Variants in RBFOX1 observed in about 807,000 individuals in gnomAD.
RBFOX1 encodes RNA binding fox-1 homolog 1.
Under a neutral mutation model 57.7 loss-of-function variants are expected in RBFOX1, and 8 were observed. The ratio of observed to expected loss-of-function variants is 0.14; its 90% confidence interval spans 0.08 to 0.25. The LOEUF is 0.25. Among genes scored for constraint, RBFOX1 ranks in the 10% least tolerant of loss-of-function variants. RBFOX1 has a pLI of 1.00. For missense variants in RBFOX1, 611 were observed against 548.5 expected (o/e 1.11, Z -1.14); for synonymous variants, 326 against 222.4 (o/e 1.47, Z -4.15).
At chr16:6,227,862 A>T (rs2152896050) in intron 1 of RBFOX1, among the ~76,000 whole-genome samples, 1 of 152,364 alleles carries the variant, frequency 6.6e-6, no homozygotes, top group East Asian at 1.9e-4. Context: ...TAACAAAAGG[A>T]GAGGTAAACA....
In RBFOX1 at chr16:5,902,875, A is replaced by G. The variant is rs575690650; in HGVS notation, c.351+35540A>G. On this transcript the variant is annotated intron_variant, in intron 4 of 19. Coordinates refer to the RBFOX1 transcript ENST00000641259. ...AAGAGACCCCCAGGATCTGCTGCTCACCTCCAAGCTCTGCCCACATGGACA... is the reference window on the plus strand; with the variant it reads ...AAGAGACCCCCAGGATCTGCTGCTCGCCTCCAAGCTCTGCCCACATGGACA... Among the ~76,000 whole-genome samples, 538 of 152,162 alleles carry G rather than the reference A, an allele frequency of 3.5e-3. 3 individuals carry two copies. The highest frequency in any genetic ancestry group is 0.014 in the Middle Eastern group (4 of 294).
chr16:5,775,315 C>G (rs964467339), intron 3 of RBFOX1, among the ~76,000 whole-genome samples: 13 of 152,282 alleles, frequency 8.5e-5, no homozygotes, highest in South Asian at 2.1e-4. Context: ...TCCCTCTTCC[C>G]TCTTCCCTTC....
At chr16:7,588,175 ATC>A (rs1161628694) in intron 7 of RBFOX1, among the ~76,000 whole-genome samples, 2 of 152,196 alleles carry the variant, frequency 1.3e-5, no homozygotes, top group African/African-American at 4.8e-5. Flanking sequence ...GCAAGATCCT[ATC>A]TCAAAAATAA....
rs529338810 is a variant in RBFOX1, at chr16:6,631,993, A to G, written c.-63-22610A>G. ...TTTATTCTCAATGGAAGGAGAGGCC[A>G]TTAGGGTTTCAAATAGAGAAATCAC... is the stretch of plus-strand genomic sequence containing the variant. On this transcript the variant is annotated intron_variant, in intron 2 of 15. Transcript: ENST00000550418. Among the ~76,000 whole-genome samples the G allele has an allele frequency of 6.6e-5, 10 of 152,314 alleles. 1 individual carries two copies. The South Asian group carries it at 2.1e-3, about 32-fold the overall frequency.
At chr16:6,367,536 C>A (rs1002760590) in intron 2 of RBFOX1, among the ~76,000 whole-genome samples, 18 of 152,120 alleles carry the variant, frequency 1.2e-4, no homozygotes, top group Non-Finnish European at 2.5e-4. Context: ...TCCCAAAGTG[C>A]TGGGATTACA....
chr16:6,719,491 G>T (rs1483732480), intron 3 of RBFOX1, among the ~76,000 whole-genome samples: 1 of 151,252 alleles, frequency 6.6e-6, no homozygotes, highest in African/African-American at 2.4e-5. Context: ...CCCAGGATGG[G>T]GTGCAGTGGC....
intron 3 of RBFOX1, among the ~76,000 whole-genome samples, chr16:6,733,986 G>C (rs1047190189): frequency 1.3e-5 from 2 of 152,156 alleles, no homozygotes; most frequent in Admixed American, 6.5e-5. Flanking sequence ...AAGTTTATAG[G>C]ACACAGTGTT....
intron 2 of RBFOX1, among the ~76,000 whole-genome samples, chr16:6,344,696 T>TG (rs1290211738): frequency 7.6e-6 from 1 of 132,234 alleles, no homozygotes; most frequent in Non-Finnish European, 1.6e-5. Context: ...CGAGCCCGGT[T>TG]TTTTTTTTTT....
intron 4 of RBFOX1, among the ~76,000 whole-genome samples, chr16:7,490,951 G>C (rs1421603332): frequency 6.6e-6 from 1 of 152,020 alleles, no homozygotes; most frequent in Non-Finnish European, 1.5e-5. Context: ...TTCTTTAGGT[G>C]GCCTAAAATC....
intron 4 of RBFOX1, among the ~76,000 whole-genome samples, chr16:5,874,434 C>T (rs1359760115): frequency 6.6e-6 from 1 of 152,066 alleles, no homozygotes; most frequent in Non-Finnish European, 1.5e-5. Context: ...GTTCTTGAGG[C>T]TGTTGTGTTT....
intron 4 of RBFOX1, among the ~76,000 whole-genome samples, chr16:5,980,895 C>T (rs535499473): frequency 1.3e-5 from 2 of 152,244 alleles, no homozygotes; most frequent in Admixed American, 6.5e-5. Context: ...TTACACTGGG[C>T]TTGCTTTTTA....
At chr16:7,634,885 A>T (rs2061520176) in intron 11 of RBFOX1, among the ~76,000 whole-genome samples, 1 of 152,266 alleles carries the variant, frequency 6.6e-6, no homozygotes, top group Admixed American at 6.5e-5. Flanking sequence ...CTAGAGAATT[A>T]GGCAACATCA....
chr16:5,584,607 G>T (rs900105665), intron 2 of RBFOX1, among the ~76,000 whole-genome samples: 1 of 152,174 alleles, frequency 6.6e-6, no homozygotes, highest in Non-Finnish European at 1.5e-5. Flanking sequence ...GGCAGCACAG[G>T]CAGGTGGGTC....
chr16:6,997,448 C>T (rs1336079017), intron 3 of RBFOX1, among the ~76,000 whole-genome samples: 2 of 152,128 alleles, frequency 1.3e-5, no homozygotes, highest in Non-Finnish European at 1.5e-5. Context: ...TATCCACGAG[C>T]ATTGCACCAG....
chr16:5,545,539 G>A (rs571855487), intron 2 of RBFOX1, among the ~76,000 whole-genome samples: 1 of 152,156 alleles, frequency 6.6e-6, no homozygotes, highest in Non-Finnish European at 1.5e-5. Context: ...TTTATGCTAG[G>A]TTGGTTTAAA....
chr16:7,336,023 G>A (rs144413221), intron 4 of RBFOX1, among the ~76,000 whole-genome samples: 1 of 152,310 alleles, frequency 6.6e-6, no homozygotes, highest in East Asian at 1.9e-4. Context: ...CCCCTTGATA[G>A]AGATCCCGAT....
chr16:5,870,995 C>G (rs1337724650), intron 4 of RBFOX1, among the ~76,000 whole-genome samples: 3 of 152,144 alleles, frequency 2.0e-5, no homozygotes, highest in Non-Finnish European at 4.4e-5. Context: ...GAATGAGTGG[C>G]TTTGCCAGTT....
intron 8 of RBFOX1, chr16:7,597,154 C>T: frequency 4.7e-6 from 2 of 428,304 alleles, no homozygotes; most frequent in Non-Finnish European, 4.1e-6. Flanking sequence ...TATGACATTG[C>T]TTTATTGAAA....
intron 4 of RBFOX1, among the ~76,000 whole-genome samples, chr16:5,992,141 A>G (rs1294751021): frequency 6.6e-6 from 1 of 152,184 alleles, no homozygotes; most frequent in Non-Finnish European, 1.5e-5. Context: ...TTACCTTGAC[A>G]TAAAATATCA....
Sources: gnomAD v4.1 joint callset for allele counts (sites outside exome capture counted in the v4.1 genomes callset) on GRCh38, gnomAD v4.1.1 for gene constraint, MANE v1.5 for transcripts, NCBI Gene and HGNC (gene_info 2026-07-23, HGNC 2026-07-21) for gene names.